GTF2IRD1: variants seen among roughly 807,000 people sequenced by gnomAD.
The protein encoded by GTF2IRD1 is general transcription factor II-I repeat domain-containing protein 1.
GTF2IRD1 carries 26 observed loss-of-function variants against 113.2 expected under a neutral mutation model. The ratio of observed to expected loss-of-function variants is 0.23; its 90% CI spans 0.17 to 0.32. The LOEUF (loss-of-function observed/expected upper bound fraction) is 0.32, where lower values mean the gene tolerates loss of function less well. GTF2IRD1 is among the 10% of genes least tolerant of loss of function. The pLI is 1.00. For missense variants in GTF2IRD1, 864 were observed against 1,280.8 expected (o/e 0.67, Z 4.97); for synonymous variants, 484 against 529.1 (o/e 0.91, Z 1.17).
intron 1 of GTF2IRD1, among the ~76,000 whole-genome samples, chr7:74,468,048 G>A (rs782524698): frequency 2.6e-5 from 4 of 152,100 alleles, no homozygotes; most frequent in Non-Finnish European, 4.4e-5. Context: ...ATTACTTGAC[G>A]TTCTGCTGAA....
chr7:74,517,001 TTTG>T lies in GTF2IRD1; in HGVS notation c.422-1102_422-1100del, dbSNP rs374786237. On this transcript the variant is annotated intron_variant, in intron 4 of 26. Transcript: ENST00000424337. ...CTGTCTCTTTCTCCTCTCTCCTGTCTTTGTTGTTGTTGTTGTTGTTGTTGTTGT... is the reference window on the plus strand; with the variant it reads ...CTGTCTCTTTCTCCTCTCTCCTGTCTTTGTTGTTGTTGTTGTTGTTGTTGT... Among the ~76,000 whole-genome samples the T allele has an allele frequency of 5.0e-3, 453 of 90,152 alleles. 3 individuals are homozygous for T. Among genetic ancestry groups the T allele is most frequent in the Middle Eastern group, 0.016 (3 of 184 alleles). 59.1% of individuals were successfully genotyped at this position (90,152 alleles called of 152,430 possible).
chr7:74,555,101 C>G lies in GTF2IRD1; in HGVS notation c.1917-73C>G. On this transcript the variant is annotated intron_variant, in intron 17 of 26. Coordinates refer to ENST00000424337, the MANE Select transcript of GTF2IRD1 (RefSeq NM_005685.4). This position sits in a 1 kb window ranked among gnomAD's most constrained non-coding sequence, Gnocchi z 5.3. Reference sequence around the variant, plus strand: ...ATTGCAGGGCTGTGTAGACTGAGGCCCAGAGAGGAGGGCTGAGCAGTCCCA... The same window carrying G: ...ATTGCAGGGCTGTGTAGACTGAGGCGCAGAGAGGAGGGCTGAGCAGTCCCA... The G allele has an allele frequency of 7.2e-7, 1 of 1,396,326 alleles. No homozygotes were observed. The highest frequency in any genetic ancestry group is 1.0e-6 in the Non-Finnish European group (1 of 996,954). The allele number at this position is 1,396,326 out of a possible 1,614,324, so 86.5% of individuals were successfully genotyped here.
At position 74,512,712 on chromosome 7, in the gene GTF2IRD1, TG is replaced by T; in HGVS notation, c.124-116del. 1 of 885,012 alleles carries T rather than the reference TG, an allele frequency of 1.1e-6. No individual in the cohort carries two copies. Among genetic ancestry groups the T allele is most frequent in the Non-Finnish European group, 1.7e-6 (1 of 573,606 alleles). The allele number at this position is 885,012 out of a possible 1,614,324, so 54.8% of individuals were successfully genotyped here. On this transcript the variant is annotated intron_variant, in intron 2 of 26. Transcript: ENST00000424337. The surrounding 1 kb of genome is among the most constrained non-coding windows in gnomAD (Gnocchi z 4.4). ...GAACAGTAGAGGGGCCGTCTGTCCC[TG>T]GAGCTGCTGCTGGGGTCTCAGGCAG...
chr7:74,553,499 G>C (rs1799425556), intron 17 of GTF2IRD1, among the ~76,000 whole-genome samples: 1 of 151,636 alleles, frequency 6.6e-6, no homozygotes, highest in African/African-American at 2.4e-5. Context: ...TGTTGCCCAA[G>C]CTGGTCTCCA....
chr7:74,508,627 G>A lies in GTF2IRD1; in HGVS notation c.123+424G>A, dbSNP rs921066497. ...AATTGCTTGAACCTGGGAGGTGGAG[G>A]TTGCAGTGAGCCGAGGTCGTGCCAT... On this transcript the variant is annotated intron_variant, in intron 2 of 26. Transcript: ENST00000424337. Among the ~76,000 whole-genome samples, 9 of 151,138 alleles carry A rather than the reference G, an allele frequency of 6.0e-5. 1 individual carries two copies. Among genetic ancestry groups the A allele is most frequent in the East Asian group, 5.8e-4 (3 of 5,136 alleles).
chr7:74,469,637 C>T (rs1378199221), intron 1 of GTF2IRD1, among the ~76,000 whole-genome samples: 4 of 152,086 alleles, frequency 2.6e-5, no homozygotes, highest in Non-Finnish European at 5.9e-5. Context: ...AAATAATATT[C>T]CATTTAATGG....
At chr7:74,545,988 G>T (rs1798902626) in intron 16 of GTF2IRD1, among the ~76,000 whole-genome samples, 179 bp downstream of exon 16, 1 of 152,086 alleles carries the variant, frequency 6.6e-6, no homozygotes, top group African/African-American at 2.4e-5. Context: ...GGACACTAGA[G>T]AGGCTGTCAC....
intron 10 of GTF2IRD1, among the ~76,000 whole-genome samples, 184 bp from the exon 11 acceptor site, chr7:74,535,983 G>A (rs906362365): frequency 3.3e-5 from 5 of 152,150 alleles, no homozygotes; most frequent in Non-Finnish European, 5.9e-5. Flanking sequence ...TCCTTCTGGC[G>A]TCAGAGTCTC....
At chr7:74,558,654 C>T (rs1799762838) in intron 20 of GTF2IRD1, among the ~76,000 whole-genome samples, 1 of 152,100 alleles carries the variant, frequency 6.6e-6, no homozygotes, top group Admixed American at 6.6e-5. Context: ...GCATAAGCCA[C>T]CATGCTGGCC....
Position 74,544,802 on chromosome 7 carries a change from G to C in GTF2IRD1, c.1666G>C (p.Asp556His). ...DARPEERPVE[D>H]SHGDVIRPLR... Reference sequence around the variant, plus strand: ...GCGGCCCGAGGAGAGGCCCGTGGAGGGTGAGGCCCTGTCTACCCCTGACAT... The same window carrying C: ...GCGGCCCGAGGAGAGGCCCGTGGAGCGTGAGGCCCTGTCTACCCCTGACAT... Residue 556 changes from aspartate (D) to histidine (H), a missense_variant and splice_region_variant, in exon 15 of 27, where the codon GAC (aspartate) becomes CAC (histidine). Physicochemically the swap from Asp to His is moderately conservative, Grantham distance 81 (BLOSUM62 -1). Coordinates refer to ENST00000424337, the MANE Select transcript of GTF2IRD1 (RefSeq NM_005685.4). 2.5e-6 allele frequency: 4 copies of C among 1,613,210 alleles called. No homozygotes were observed. The highest frequency in any genetic ancestry group is 3.4e-6 in the Non-Finnish European group (4 of 1,179,274).
intron 1 of GTF2IRD1, among the ~76,000 whole-genome samples, chr7:74,462,144 C>T (rs1451557648): frequency 4.6e-5 from 7 of 152,106 alleles, no homozygotes; most frequent in African/African-American, 7.2e-5. Flanking sequence ...GAGGCTGCGG[C>T]GGGAGGATCA....
At chr7:74,546,461 A>G (rs1472345751) in intron 16 of GTF2IRD1, among the ~76,000 whole-genome samples, 2 of 152,018 alleles carry the variant, frequency 1.3e-5, no homozygotes, top group African/African-American at 4.8e-5. Context: ...ACCTTAAGCG[A>G]TCTACCCACC....
chr7:74,455,295 C>T (rs1554326919), intron 1 of GTF2IRD1, among the ~76,000 whole-genome samples: 1 of 152,202 alleles, frequency 6.6e-6, no homozygotes, highest in Non-Finnish European at 1.5e-5. Flanking sequence ...GGGCAGGCCC[C>T]CGCAGTTTTT....
chr7:74,492,650 A>G (rs1010603705), intron 1 of GTF2IRD1, among the ~76,000 whole-genome samples: 3 of 152,030 alleles, frequency 2.0e-5, no homozygotes, highest in Non-Finnish European at 4.4e-5. Context: ...TCCTTTGCCC[A>G]TGTTTTTATG....
At chr7:74,557,784 C>CCACGCAGCTGCTG in intron 20 of GTF2IRD1, 62 bp downstream of exon 20, 1 of 1,022,132 alleles carries the variant, frequency 9.8e-7, no homozygotes, top group Non-Finnish European at 1.5e-6. Flanking sequence ...AAGTGGGAGG[C>CCACGCAGCTGCTG]TTCCCAGTTC....
chr7:74,498,561 A>AC (rs1316981315), intron 1 of GTF2IRD1, among the ~76,000 whole-genome samples: 2 of 151,598 alleles, frequency 1.3e-5, no homozygotes, highest in African/African-American at 4.9e-5. Context: ...TTGAAAACCC[A>AC]CCTCAACAGT....
chr7:74,541,997 G>A (rs1327085957), intron 14 of GTF2IRD1, among the ~76,000 whole-genome samples: 1 of 152,020 alleles, frequency 6.6e-6, no homozygotes, highest in Non-Finnish European at 1.5e-5. Context: ...TCAGGAGGCT[G>A]AGGCAGGAGG....
chr7:74,482,840 C>A (rs782434952), intron 1 of GTF2IRD1, among the ~76,000 whole-genome samples: 1 of 152,180 alleles, frequency 6.6e-6, no homozygotes, highest in African/African-American at 2.4e-5. Context: ...TTTGCTCATA[C>A]GTCTGATGCC....
At chr7:74,580,682 C>T (rs1401724795) in intron 22 of GTF2IRD1, among the ~76,000 whole-genome samples, 3 of 151,788 alleles carry the variant, frequency 2.0e-5, no homozygotes, top group Middle Eastern at 3.2e-3. Flanking sequence ...GAGAGGAGAC[C>T]GAAGAACAGA....
Sources: gnomAD v4.1 joint callset for allele counts (sites outside exome capture counted in the v4.1 genomes callset) on GRCh38, gnomAD v4.1.1 for gene constraint, Gnocchi (gnomAD v3.1) non-coding constraint, MANE v1.5 for transcripts, NCBI Gene and HGNC (gene_info 2026-07-23, HGNC 2026-07-21) for gene names.